Variants in RFT1 observed in about 807,000 individuals in gnomAD.
RFT1 encodes man(5)GlcNAc(2)-PP-dolichol translocation protein RFT1.
In RFT1, 43 loss-of-function variants were observed where a neutral mutation model predicts 62.2. That is an observed-to-expected ratio of 0.69 (90% CI 0.54 to 0.89). The LOEUF (loss-of-function observed/expected upper bound fraction) is 0.89. RFT1 is among the 40% of genes least tolerant of loss of function. The probability of loss-of-function intolerance (pLI) is 0.00; values close to 1 mark genes in which losing one functional copy is unlikely to be tolerated. For missense variants in RFT1, 605 were observed against 649.9 expected, an observed-to-expected ratio of 0.93 and a Z score of 0.75; for synonymous variants, 262 against 264.6, an observed-to-expected ratio of 0.99 and a Z score of 0.10.
intron 8 of RFT1, 38 bp downstream of exon 8, chr3:53,106,781 T>A: frequency 2.8e-6 from 4 of 1,417,076 alleles, no homozygotes; most frequent in Non-Finnish European, 4.0e-6. Context: ...ATTAATAGTG[T>A]TCACCTTTAA....
Position 53,090,556 on chromosome 3 carries a change from G to A in RFT1, c.*1347C>T, listed in dbSNP as rs1700961020. Reference sequence around the variant, plus strand: ...GGCCCCAGTCTTGGTGTACTGACAGGTCTTAATCCTTAGCCCCTGGGTACT... The same window carrying A: ...GGCCCCAGTCTTGGTGTACTGACAGATCTTAATCCTTAGCCCCTGGGTACT... On this transcript the variant is annotated 3_prime_UTR_variant, in exon 13 of 13. Coordinates refer to ENST00000296292, the MANE Select transcript of RFT1 (RefSeq NM_052859.4). 6.6e-6 allele frequency: 1 copy of A among 152,138 alleles called. No homozygotes were observed. The highest frequency in any genetic ancestry group is 2.4e-5 in the African/African-American group (1 of 41,416). The allele number at this position is 152,138 out of a possible 1,614,324, so 9.4% of individuals were successfully genotyped here.
At chr3:53,114,759 C>T (rs375540153) in intron 6 of RFT1, among the ~76,000 whole-genome samples, 3 of 152,078 alleles carry the variant, frequency 2.0e-5, no homozygotes, top group Admixed American at 6.5e-5. Context: ...GGAGAAATGG[C>T]GGCTAAGGTG....
At chr3:53,106,757 A>G (rs1422105648) in intron 8 of RFT1, 62 bp downstream of exon 8, 11 of 1,167,428 alleles carry the variant, frequency 9.4e-6, no homozygotes. Context: ...AGAGAAAAAT[A>G]TTAGGAAGTA....
chr3:53,082,582 A>G, the RFT1 span, among the ~76,000 whole-genome samples: 1 of 152,080 alleles, frequency 6.6e-6, no homozygotes, highest in Admixed American at 6.5e-5. Context: ...CCAGGGGTTG[A>G]CCCCAGTTGT....
chr3:53,099,522 A>C (rs758988713), intron 10 of RFT1, 36 bp from the exon 11 acceptor site: 1 of 1,533,940 alleles, frequency 6.5e-7, no homozygotes, highest in South Asian at 1.1e-5. Context: ...TCCAGAGCCC[A>C]ATCAGAAGGC....
chr3:53,125,952 G>T lies in RFT1; in HGVS notation c.106C>A (p.Leu36Ile). 2 of 1,613,826 alleles carry T rather than the reference G, an allele frequency of 1.2e-6. No homozygotes were observed. Among genetic ancestry groups the T allele is most frequent in the South Asian group, 2.2e-5 (2 of 91,030 alleles). ...LITFVLNAFI[L>I]RFLSKEIVGV... ...ACGATTTCCTTTGACAGGAAGCGAA[G>T]AATAAATGCATTCAAGACAAAGGTG... is the stretch of plus-strand genomic sequence containing the variant. Residue 36 changes from leucine (L) to isoleucine (I), a missense_variant, in exon 2 of 13, where the codon CTT becomes ATT. Transcript: ENST00000296292.
intron 1 of RFT1, among the ~76,000 whole-genome samples, chr3:53,126,932 A>G (rs530978493): frequency 6.6e-6 from 1 of 152,210 alleles, no homozygotes; most frequent in Non-Finnish European, 1.5e-5. Context: ...TGATCTAAGC[A>G]TATCAATGGA....
intron 2 of RFT1, among the ~76,000 whole-genome samples, chr3:53,124,667 A>C (rs1004816034): frequency 3.9e-5 from 6 of 152,098 alleles, no homozygotes; most frequent in Admixed American, 2.0e-4. Context: ...TGCTTTTAAA[A>C]CAGTATTTCT....
At chr3:53,079,243 G>A in the RFT1 span, among the ~76,000 whole-genome samples, 1 of 152,220 alleles carries the variant, frequency 6.6e-6, no homozygotes, top group African/African-American at 2.4e-5. Flanking sequence ...CTTTGACAAT[G>A]AGAAGGAGGA....
the RFT1 span, among the ~76,000 whole-genome samples, chr3:53,081,825 A>G: frequency 4.6e-5 from 7 of 152,064 alleles, no homozygotes; most frequent in Admixed American, 1.3e-4. Flanking sequence ...CAATTACCCT[A>G]AATTCCTTAA....
At chr3:53,083,200 C>CAAAA in the RFT1 span, among the ~76,000 whole-genome samples, 152 of 39,262 alleles carry the variant, frequency 3.9e-3, 5 homozygotes, top group East Asian at 0.03. Context: ...GATTCCATCT[C>CAAAA]AAAAAAAAAA....
At chr3:53,095,142 T>C (rs1441151594) in intron 11 of RFT1, among the ~76,000 whole-genome samples, 3 of 152,032 alleles carry the variant, frequency 2.0e-5, no homozygotes, top group Non-Finnish European at 4.4e-5. Context: ...GGTGCACGTC[T>C]GTAGTCCCAG....
intron 11 of RFT1, among the ~76,000 whole-genome samples, chr3:53,098,605 A>C: frequency 6.6e-6 from 1 of 152,196 alleles, no homozygotes; most frequent in Non-Finnish European, 1.5e-5. Flanking sequence ...GATCGAGACC[A>C]ACCTGGCTGA....
chr3:53,105,929 CAG>C (rs1396842421), intron 8 of RFT1, 126 bp from the exon 9 acceptor site: 2 of 992,364 alleles, frequency 2.0e-6, no homozygotes, highest in Non-Finnish European at 2.9e-6. Flanking sequence ...TAGATTCACA[CAG>C]AGTTATAAGA....
At chr3:53,101,027 G>C (rs1175891111) in intron 10 of RFT1, among the ~76,000 whole-genome samples, 4 of 152,128 alleles carry the variant, frequency 2.6e-5, no homozygotes, top group African/African-American at 9.7e-5. Context: ...CGGAGTCTCA[G>C]AATCTGGAAC....
In RFT1 at chr3:53,092,616, T is replaced by C; in HGVS notation, c.1211A>G (p.Tyr404Cys). 6.2e-7 allele frequency: 1 copy of C among 1,610,156 alleles called. No homozygotes were observed. Among genetic ancestry groups the C allele is most frequent in the Non-Finnish European group, 8.5e-7 (1 of 1,178,544 alleles). The change falls in exon 12 of 13, where the codon TAC (tyrosine) becomes TGC (cysteine). Residue 404 changes from tyrosine (Y) to cysteine (C), a missense_variant and splice_region_variant. Coordinates refer to ENST00000296292, the MANE Select transcript of RFT1 (RefSeq NM_052859.4). ...GGACAGGGCCAGCATCACAAAATTG[T>C]ACCTGGGGAGGAGACAGGAAAAGGA... ...AAMSKEEVDRYNFVMLALSSS... is the reference protein window; with the variant it reads ...AAMSKEEVDRCNFVMLALSSS...
chr3:53,070,906 AT>A, the RFT1 span, among the ~76,000 whole-genome samples: 2 of 149,110 alleles, frequency 1.3e-5, no homozygotes, highest in Non-Finnish European at 3.0e-5. Context: ...GCTAATTTGT[AT>A]TTTTAGTAGA....
At chr3:53,104,511 G>A (rs1013150213) in intron 9 of RFT1, among the ~76,000 whole-genome samples, 1 of 152,106 alleles carries the variant, frequency 6.6e-6, no homozygotes, top group South Asian at 2.1e-4. Context: ...TTACAGGCAT[G>A]AGCCACTGCA....
downstream of RFT1, chr3:53,085,980 G>A (rs1700845260): frequency 6.6e-6 from 1 of 152,196 alleles, no homozygotes; most frequent in South Asian, 2.1e-4. Context: ...TTAAAAATGA[G>A]TAACACTAAA....
Sources: gnomAD v4.1 joint callset for allele counts (sites outside exome capture counted in the v4.1 genomes callset) on GRCh38, gnomAD v4.1.1 for gene constraint, MANE v1.5 for transcripts, NCBI Gene and HGNC (gene_info 2026-07-23, HGNC 2026-07-21) for gene names.